PDE3B: variants seen among roughly 807,000 people sequenced by gnomAD.
PDE3B encodes the protein phosphodiesterase 3B.
In PDE3B, 66 loss-of-function variants were observed where a neutral mutation model predicts 116.8. The observed-to-expected ratio is 0.56, with a 90% CI of 0.46 to 0.69. The LOEUF (loss-of-function observed/expected upper bound fraction) is 0.69, where lower values mean the gene tolerates loss of function less well. Among genes scored for constraint, PDE3B ranks in the 30% least tolerant of loss-of-function variants. PDE3B has a pLI of 0.00. For synonymous variants in PDE3B, 595 were observed against 533.6 expected (o/e 1.12, Z -1.59); for missense variants, 1,384 against 1,368.1 (o/e 1.01, Z -0.18).
At chr11:14,780,583 T>C (rs1857959539) in intron 2 of PDE3B, among the ~76,000 whole-genome samples, 1 of 151,754 alleles carries the variant, frequency 6.6e-6, no homozygotes, top group South Asian at 2.1e-4. Flanking sequence ...AATAACAAAA[T>C]GAAGGCAGAA....
intron 4 of PDE3B, among the ~76,000 whole-genome samples, chr11:14,794,887 A>G (rs1471809169): frequency 6.6e-6 from 1 of 152,178 alleles, no homozygotes; most frequent in East Asian, 1.9e-4. Flanking sequence ...CAACAGCCAG[A>G]TGAGGAGATA....
chr11:14,898,835 T>A, the PDE3B span, among the ~76,000 whole-genome samples: 1 of 152,136 alleles, frequency 6.6e-6, no homozygotes, highest in Non-Finnish European at 1.5e-5. Context: ...CTTTTTTTTT[T>A]AATCCACGTA....
chr11:14,726,373 G>C (rs1466026708), intron 1 of PDE3B, among the ~76,000 whole-genome samples: 3 of 152,044 alleles, frequency 2.0e-5, no homozygotes, highest in Non-Finnish European at 4.4e-5. Flanking sequence ...ATAATGCCTG[G>C]TATATAATAT....
rs1009183833 is a variant in PDE3B, at chr11:14,843,710, A to G, written c.2321-117A>G. ...TTTAAGTTCATAGATTTTAGTTCTTACTTAAATCAGCAAATAAAATAAGTA... is the reference window on the plus strand; with the variant it reads ...TTTAAGTTCATAGATTTTAGTTCTTGCTTAAATCAGCAAATAAAATAAGTA... On this transcript the variant is annotated intron_variant, in intron 11 of 15. Transcript: ENST00000282096. 6 of 741,748 alleles carry G rather than the reference A, an allele frequency of 8.1e-6. No individual in the cohort carries two copies. The African/African-American group carries it at 8.7e-5, about 11-fold the overall frequency. The allele number at this position is 741,748 out of a possible 1,614,324, so 45.9% of individuals were successfully genotyped here.
chr11:14,834,238 T>C (rs1859984548), intron 10 of PDE3B, among the ~76,000 whole-genome samples: 1 of 152,228 alleles, frequency 6.6e-6, no homozygotes, highest in Non-Finnish European at 1.5e-5. Context: ...GTTAAATTTT[T>C]ATTGGATATC....
chr11:14,661,498 G>A (rs1204762843), intron 1 of PDE3B, among the ~76,000 whole-genome samples: 2 of 152,214 alleles, frequency 1.3e-5, no homozygotes, highest in Admixed American at 6.5e-5. Context: ...CCGAAGCAGG[G>A]TGAGGCATTG....
chr11:14,886,763 A>T, the PDE3B span: 1 of 152,298 alleles, frequency 6.6e-6, no homozygotes, highest in Non-Finnish European at 1.5e-5. Context: ...AAATACTGAG[A>T]CAAGCCTTAT....
At chr11:14,753,012 GA>G (rs1214797805) in intron 1 of PDE3B, among the ~76,000 whole-genome samples, 3 of 152,042 alleles carry the variant, frequency 2.0e-5, no homozygotes, top group Non-Finnish European at 4.4e-5. Context: ...AGGTATTAAG[GA>G]ATGATAGTGT....
Position 14,870,325 on chromosome 11 carries a change from TGA to T in PDE3B, c.*669_*670del, listed in dbSNP as rs1238327974. On this transcript the variant is annotated 3_prime_UTR_variant, in exon 16 of 16. Transcript: ENST00000282096. The surrounding 1 kb of genome is among the most constrained non-coding windows in gnomAD (Gnocchi z 4.1). ...TCTACTATGTGTGTTTTATTTCTGCTGAGAGTATTCAGGTTTGCCATGGACAT... is the reference window on the plus strand; with the variant it reads ...TCTACTATGTGTGTTTTATTTCTGCTGAGTATTCAGGTTTGCCATGGACAT... 1 of 152,650 alleles carries T rather than the reference TGA, an allele frequency of 6.6e-6. No individual in the cohort carries two copies. Among genetic ancestry groups the T allele is most frequent in the African/African-American group, 2.4e-5 (1 of 41,462 alleles). The allele number at this position is 152,650 out of a possible 1,614,324, so 9.5% of individuals were successfully genotyped here. A position where few individuals can be genotyped will look rare whatever the true frequency, so the allele number is the denominator to read the frequency against.
chr11:14,783,434 A>C (rs1858091838), intron 2 of PDE3B, among the ~76,000 whole-genome samples: 1 of 152,220 alleles, frequency 6.6e-6, no homozygotes, highest in African/African-American at 2.4e-5. Context: ...CAGCCATAAA[A>C]ATGGATGAGT....
At chr11:14,898,917 T>C in the PDE3B span, among the ~76,000 whole-genome samples, 1 of 152,112 alleles carries the variant, frequency 6.6e-6, no homozygotes, top group Non-Finnish European at 1.5e-5. Flanking sequence ...CCCCGACATA[T>C]ATGTCTTTGT....
rs970737685 is a variant in PDE3B, at chr11:14,718,488, A to G, written c.979-53449A>G. Reference sequence around the variant, plus strand: ...TATACGTTTTTTTCAGCACCACACCACACCTATTCCAAAATTGACCACATA... The same window carrying G: ...TATACGTTTTTTTCAGCACCACACCGCACCTATTCCAAAATTGACCACATA... On this transcript the variant is annotated intron_variant, in intron 1 of 15. Coordinates refer to ENST00000282096, the MANE Select transcript of PDE3B (RefSeq NM_000922.4). 5.4e-5 allele frequency among the ~76,000 whole-genome samples: 8 copies of G among 148,798 alleles called. No homozygotes were observed. The South Asian group carries it at 6.6e-4, about 12-fold the overall frequency.
intron 1 of PDE3B, among the ~76,000 whole-genome samples, chr11:14,717,265 C>A (rs1298832471): frequency 0.011 from 989 of 89,496 alleles, no homozygotes; most frequent in Non-Finnish European, 0.012. Flanking sequence ...AAATATGGGA[C>A]TATGTGAAAA....
chr11:14,783,960 T>G (rs1858115305), intron 2 of PDE3B, among the ~76,000 whole-genome samples: 1 of 152,208 alleles, frequency 6.6e-6, no homozygotes, highest in African/African-American at 2.4e-5. Flanking sequence ...CATTACCACC[T>G]GAGCTCTGCC....
rs541895247 is a variant in PDE3B at position 14,675,380 on chromosome 11, TA to T, written c.978+30335del. On this transcript the variant is annotated intron_variant, in intron 1 of 15. Transcript: ENST00000282096. ...TTATTCATTTTATTTTTTGCTTATT[TA>T]AAAAAAATTCAGATAATTTACATAT... Among the ~76,000 whole-genome samples the T allele has an allele frequency of 8.5e-5, 13 of 152,112 alleles. No homozygotes were observed. In the South Asian group the frequency reaches 2.7e-3, roughly 32 times the overall value.
the PDE3B span, among the ~76,000 whole-genome samples, chr11:14,889,443 G>T: frequency 6.6e-6 from 1 of 152,192 alleles, no homozygotes; most frequent in East Asian, 1.9e-4. Context: ...GAGTTAATAT[G>T]TTTGGTGGTT....
intron 5 of PDE3B, among the ~76,000 whole-genome samples, chr11:14,813,117 T>G (rs1029392211): frequency 1.3e-5 from 2 of 152,188 alleles, no homozygotes; most frequent in Non-Finnish European, 2.9e-5. Flanking sequence ...TTTCTCTTAT[T>G]TATAAAATAC....
At chr11:14,880,535 T>C in the PDE3B span, 3 of 1,613,542 alleles carry the variant, frequency 1.9e-6, no homozygotes, top group African/African-American at 1.3e-5. Flanking sequence ...TCTTCATAAG[T>C]GAATCGTTCT....
the PDE3B span, among the ~76,000 whole-genome samples, chr11:14,884,296 G>A: frequency 7.2e-5 from 11 of 151,920 alleles, no homozygotes; most frequent in Non-Finnish European, 1.6e-4. Context: ...GTCCAAAAAT[G>A]ATAGACTGGA....
Sources: gnomAD v4.1 joint callset for allele counts (sites outside exome capture counted in the v4.1 genomes callset) on GRCh38, gnomAD v4.1.1 for gene constraint, Gnocchi (gnomAD v3.1) non-coding constraint, MANE v1.5 for transcripts, NCBI Gene and HGNC (gene_info 2026-07-23, HGNC 2026-07-21) for gene names.